USP46: variants seen among roughly 807,000 people sequenced by gnomAD.
USP46 encodes the protein ubiquitin carboxyl-terminal hydrolase 46.
A neutral mutation model predicts 44.4 loss-of-function variants in USP46; 12 were observed. That is an observed-to-expected ratio of 0.27 (90% CI 0.17 to 0.44). The LOEUF (loss-of-function observed/expected upper bound fraction) is 0.44, where lower values mean the gene tolerates loss of function less well. USP46 is among the 20% of genes least tolerant of loss of function. The probability of loss-of-function intolerance (pLI) is 1.00; values close to 1 mark genes in which losing one functional copy is unlikely to be tolerated. For missense variants in USP46, 248 were observed against 444.8 expected (o/e 0.56, Z 3.98); for synonymous variants, 155 against 161.5 (o/e 0.96, Z 0.31).
chr4:52,643,320 T>G (rs1167991585), intron 1 of USP46, among the ~76,000 whole-genome samples: 1 of 152,224 alleles, frequency 6.6e-6, no homozygotes, highest in African/African-American at 2.4e-5. Flanking sequence ...ATTTAACAAC[T>G]GTCTTCCCAC....
chr4:52,652,227 G>A (rs567318514), intron 1 of USP46, among the ~76,000 whole-genome samples: 109 of 152,272 alleles, frequency 7.2e-4, no homozygotes, highest in Admixed American at 5.0e-3. Flanking sequence ...AAAACATCAA[G>A]TCTAGCAATA....
chr4:52,593,150 A>C lies in USP46; in HGVS notation c.*4490T>G. The C allele has an allele frequency of 2.6e-6, 1 of 389,502 alleles. No homozygotes were observed. Among genetic ancestry groups the C allele is most frequent in the South Asian group, 1.4e-4 (1 of 6,920 alleles). 24.1% of individuals were successfully genotyped at this position (389,502 alleles called of 1,614,324 possible). A position where few individuals can be genotyped will look rare whatever the true frequency, so the allele number is the denominator to read the frequency against. ...AATGGAAGGCTTCATTTTTTTAGTA[A>C]AGGTATTTTAAGTATCAATAAAAAG... On this transcript the variant is annotated 3_prime_UTR_variant, in exon 9 of 9. Coordinates refer to ENST00000441222, the MANE Select transcript of USP46 (RefSeq NM_022832.4).
chr4:52,632,918 G>GAGAAAA (rs1717900553), intron 1 of USP46, among the ~76,000 whole-genome samples: 1 of 35,176 alleles, frequency 2.8e-5, no homozygotes, highest in Non-Finnish European at 6.3e-5. Context: ...AAGAAAGAAA[G>GAGAAAA]AGAAAGAAAG....
rs779771114 is a variant in USP46, at chr4:52,625,987, CGAGCTACATAA to C, written c.561+20_561+30del. ...CATAGCGTACATAAATATGAACATG[CGAGCTACATAA>C]GAGCTCCCCTAGTACTTACAGTTTC... On this transcript the variant is annotated intron_variant, in intron 4 of 8. Coordinates refer to ENST00000441222, the MANE Select transcript of USP46 (RefSeq NM_022832.4). The C allele has an allele frequency of 6.3e-6, 10 of 1,576,174 alleles. No homozygotes were observed. The highest frequency in any genetic ancestry group is 1.4e-5 in the African/African-American group (1 of 73,674).
intron 2 of USP46, among the ~76,000 whole-genome samples, chr4:52,630,765 A>G (rs1717793690): frequency 6.6e-6 from 1 of 151,230 alleles, no homozygotes; most frequent in East Asian, 1.9e-4. Flanking sequence ...AGAAAAAATC[A>G]GATTTGGCTA....
In USP46 at chr4:52,593,132, G is replaced by A. The variant is rs1173856592; in HGVS notation, c.*4508C>T. 24 of 394,170 alleles carry A rather than the reference G, an allele frequency of 6.1e-5. No individual in the cohort carries two copies. The East Asian group carries it at 8.2e-4, about 14-fold the overall frequency. 24.4% of individuals were successfully genotyped at this position (394,170 alleles called of 1,614,324 possible). A position where few individuals can be genotyped will look rare whatever the true frequency, so the allele number is the denominator to read the frequency against. ...TAAATATAAGGGAATGGAAATGGAA[G>A]GCTTCATTTTTTTAGTAAAGGTATT... On this transcript the variant is annotated 3_prime_UTR_variant, in exon 9 of 9. Coordinates refer to ENST00000441222, the MANE Select transcript of USP46 (RefSeq NM_022832.4).
intron 4 of USP46, among the ~76,000 whole-genome samples, chr4:52,621,437 C>T (rs1717371700): frequency 6.6e-6 from 1 of 152,118 alleles, no homozygotes; most frequent in South Asian, 2.1e-4. Context: ...GGGCAGATCA[C>T]CTGAGGTCAG....
chr4:52,604,699 G>T, intron 5 of USP46, 115 bp from the exon 6 acceptor site: 1 of 693,140 alleles, frequency 1.4e-6, no homozygotes, highest in Non-Finnish European at 2.3e-6. Context: ...GGAAGAAGAA[G>T]TAATCAGAAA....
At chr4:52,623,399 T>A (rs2109625009) in intron 4 of USP46, among the ~76,000 whole-genome samples, 1 of 152,294 alleles carries the variant, frequency 6.6e-6, no homozygotes, top group African/African-American at 2.4e-5. Context: ...ATTCATGAGT[T>A]CATCACAAAA....
At chr4:52,652,862 C>T (rs938968634) in intron 1 of USP46, among the ~76,000 whole-genome samples, 3 of 152,044 alleles carry the variant, frequency 2.0e-5, no homozygotes, top group Non-Finnish European at 4.4e-5. Flanking sequence ...CACGAGTATT[C>T]ACTCTATTAT....
rs74808026 is a variant in USP46 at position 52,592,836 on chromosome 4, T to A, written c.*4804A>T. 3.0e-6 allele frequency: 1 copy of A among 335,874 alleles called. No individual in the cohort carries two copies. The highest frequency in any genetic ancestry group is 1.5e-4 in the South Asian group (1 of 6,878). 20.8% of individuals were successfully genotyped at this position (335,874 alleles called of 1,614,324 possible). A position where few individuals can be genotyped will look rare whatever the true frequency, so the allele number is the denominator to read the frequency against. ...CCTGGGTGACAGTGAGACTCCATCT[T>A]AAAAAAAAAAAAGGAAAGAAAAGTG... On this transcript the variant is annotated 3_prime_UTR_variant, in exon 9 of 9. Transcript: ENST00000441222.
intron 4 of USP46, among the ~76,000 whole-genome samples, chr4:52,619,904 C>A (rs1717317615): frequency 6.6e-6 from 1 of 152,152 alleles, no homozygotes; most frequent in Non-Finnish European, 1.5e-5. Flanking sequence ...AGAGAAAAAA[C>A]ACTCTTGCCT....
chr4:52,598,542 C>T, intron 8 of USP46, 86 bp downstream of exon 8: 2 of 1,309,140 alleles, frequency 1.5e-6, no homozygotes, highest in Middle Eastern at 1.8e-4. Flanking sequence ...GGGAAACAGG[C>T]CTATTTTAGA....
chr4:52,652,836 C>T (rs914668213), intron 1 of USP46, among the ~76,000 whole-genome samples: 8 of 152,214 alleles, frequency 5.3e-5, no homozygotes, highest in African/African-American at 1.9e-4. Context: ...TTTATTTCTT[C>T]ACTGGGTGGG....
chr4:52,606,225 C>A (rs1003654480), intron 5 of USP46, among the ~76,000 whole-genome samples: 1 of 152,118 alleles, frequency 6.6e-6, no homozygotes, highest in Admixed American at 6.6e-5. Flanking sequence ...GGAAAGTGTG[C>A]CAGGTGAACA....
At chr4:52,648,640 C>T (rs564265497) in intron 1 of USP46, among the ~76,000 whole-genome samples, 23 of 152,154 alleles carry the variant, frequency 1.5e-4, no homozygotes, top group Non-Finnish European at 2.8e-4. Context: ...AGGTTATCCA[C>T]CCCTACACTG....
At chr4:52,617,338 A>T (rs981611398) in intron 4 of USP46, among the ~76,000 whole-genome samples, 3 of 152,256 alleles carry the variant, frequency 2.0e-5, no homozygotes, top group Admixed American at 1.3e-4. Flanking sequence ...GATAGCTAGG[A>T]TCTCATTCTA....
chr4:52,623,418 C>T (rs780379832), intron 4 of USP46, among the ~76,000 whole-genome samples: 2 of 151,872 alleles, frequency 1.3e-5, no homozygotes, highest in African/African-American at 2.4e-5. Flanking sequence ...AATGGTAACA[C>T]AAAAGACAGA....
chr4:52,591,854 G>C lies in USP46; in HGVS notation c.*5786C>G, dbSNP rs2109581343. On this transcript the variant is annotated 3_prime_UTR_variant, in exon 9 of 9. Transcript: ENST00000441222. ...GTAAACAGATTGTTTAGAAATAACA[G>C]ATATTTGATTCATAAAGCTCACTGT... is the stretch of plus-strand genomic sequence containing the variant. The C allele has an allele frequency of 6.6e-6, 1 of 152,334 alleles. No individual in the cohort carries two copies. Among genetic ancestry groups the C allele is most frequent in the South Asian group, 2.1e-4 (1 of 4,832 alleles). The allele number at this position is 152,334 out of a possible 1,614,324, so 9.4% of individuals were successfully genotyped here.
Sources: allele counts gnomAD v4.1 joint callset (sites outside exome capture counted in the v4.1 genomes callset), GRCh38; gene constraint gnomAD v4.1.1; transcripts MANE v1.5; gene names NCBI Gene and HGNC (gene_info 2026-07-23, HGNC 2026-07-21).